The following CR1L variants were observed in gnomAD, a reference collection of about 807,000 sequenced individuals.
CR1L encodes complement component receptor 1-like protein.
In CR1L, 59 loss-of-function variants were observed where a neutral mutation model predicts 62.3. That is an observed-to-expected ratio of 0.95 (90% CI 0.77 to 1.18). The LOEUF is 1.18. Among genes scored for constraint, CR1L ranks in the 50% most tolerant of loss-of-function variants. The pLI is 0.00. For missense variants in CR1L, 700 were observed against 702.8 expected (o/e 1.00, Z 0.04); for synonymous variants, 279 against 248.7 (o/e 1.12, Z -1.15).
At chr1:207,652,808 C>A in intron 1 of CR1L, 1 of 603,088 alleles carries the variant, frequency 1.7e-6, no homozygotes, top group South Asian at 1.9e-5. Context: ...GGTACATATT[C>A]CACTATGGAG....
chr1:207,711,839 C>T (rs1215212478), intron 10 of CR1L, among the ~76,000 whole-genome samples: 6 of 150,470 alleles, frequency 4.0e-5, no homozygotes, highest in African/African-American at 1.5e-4. Context: ...GCGGAGGTTG[C>T]AGTGAGCTAA....
intron 1 of CR1L, among the ~76,000 whole-genome samples, chr1:207,653,983 G>A (rs1331942980): frequency 2.0e-5 from 3 of 152,152 alleles, no homozygotes; most frequent in African/African-American, 7.2e-5. Flanking sequence ...AAGCACAAGG[G>A]AGGGGCTCTC....
At chr1:207,683,124 C>G (rs1663831980) in intron 3 of CR1L, among the ~76,000 whole-genome samples, 1 of 149,912 alleles carries the variant, frequency 6.7e-6, no homozygotes, top group South Asian at 2.1e-4. Context: ...CTGACTCTCT[C>G]TCTCTCTCTA....
intron 4 of CR1L, among the ~76,000 whole-genome samples, chr1:207,689,107 G>C (rs192926302): frequency 6.6e-6 from 1 of 152,074 alleles, no homozygotes; most frequent in African/African-American, 2.4e-5. Flanking sequence ...CATGATGTAT[G>C]CTGTAGATTT....
chr1:207,655,297 T>TC, intron 1 of CR1L: 1 of 623,488 alleles, frequency 1.6e-6, no homozygotes, highest in East Asian at 3.4e-5. Flanking sequence ...CTTTTTTTTT[T>TC]TTTTTTAATT....
chr1:207,684,147 T>A, intron 4 of CR1L, 190 bp downstream of exon 4: 1 of 445,628 alleles, frequency 2.2e-6, no homozygotes, highest in Non-Finnish European at 3.8e-6. Context: ...TATCCTGGGA[T>A]GTGTCTTTTC....
chr1:207,715,888 T>A (rs570173580), intron 10 of CR1L, among the ~76,000 whole-genome samples: 2 of 152,026 alleles, frequency 1.3e-5, no homozygotes, highest in South Asian at 4.2e-4. Flanking sequence ...AGAGATGGAG[T>A]CTTGCCATAT....
chr1:207,677,690 T>C, intron 2 of CR1L, 122 bp downstream of exon 2: 1 of 1,144,888 alleles, frequency 8.7e-7, no homozygotes, highest in Non-Finnish European at 1.2e-6. Context: ...GCAATACATA[T>C]GAGAATTATT....
At chr1:207,654,149 A>G (rs1165565731) in intron 1 of CR1L, among the ~76,000 whole-genome samples, 1 of 152,218 alleles carries the variant, frequency 6.6e-6, no homozygotes, top group Non-Finnish European at 1.5e-5. Flanking sequence ...CTGCTGTTAC[A>G]CTGGCAATTA....
chr1:207,666,122 C>A (rs1243268068), intron 1 of CR1L, among the ~76,000 whole-genome samples: 1 of 152,210 alleles, frequency 6.6e-6, no homozygotes, highest in Non-Finnish European at 1.5e-5. Flanking sequence ...ACTCACCTTT[C>A]TACAGCCTTT....
intron 10 of CR1L, chr1:207,710,625 A>G (rs1664340597): frequency 6.2e-7 from 1 of 1,609,972 alleles, no homozygotes; most frequent in African/African-American, 1.3e-5. Flanking sequence ...CCAAATGTGG[A>G]AAATGGAATA....
intron 10 of CR1L, among the ~76,000 whole-genome samples, chr1:207,712,309 A>G (rs905974212): frequency 3.3e-5 from 5 of 152,252 alleles, no homozygotes; most frequent in African/African-American, 1.2e-4. Context: ...GTAGATGGAG[A>G]ATCCACCAAT....
chr1:207,692,882 A>G (rs1056155753), intron 4 of CR1L, among the ~76,000 whole-genome samples: 5 of 152,178 alleles, frequency 3.3e-5, no homozygotes, highest in African/African-American at 1.2e-4. Context: ...ATACCCGCAT[A>G]TGAGCTCTTT....
intron 1 of CR1L, among the ~76,000 whole-genome samples, chr1:207,671,411 A>C (rs1243617383): frequency 6.6e-6 from 1 of 150,916 alleles, no homozygotes; most frequent in Non-Finnish European, 1.5e-5. Flanking sequence ...GTTTATGGGA[A>C]TATTTATATA....
intron 11 of CR1L, among the ~76,000 whole-genome samples, chr1:207,719,539 G>A (rs1467485738): frequency 1.3e-5 from 2 of 152,056 alleles, no homozygotes; most frequent in African/African-American, 2.4e-5. Flanking sequence ...GGGCAGTATA[G>A]CAAAACTCTG....
In CR1L at chr1:207,697,812, C is replaced by T. The variant is rs1357885808; in HGVS notation, c.1081C>T (p.His361Tyr). ...DDFLGQLPNG[H>Y]VLFPLNLQLG... The stretch of plus-strand genomic sequence containing the variant: ...CTTCCTGGGCCAACTTCCTAATGGC[C>T]ATGTGCTATTTCCACTTAATCTCCA... Residue 361 changes from histidine (H) to tyrosine (Y), a missense_variant, in exon 7 of 12, where the codon CAT becomes TAT. Transcript: ENST00000508064. 5.0e-6 allele frequency: 8 copies of T among 1,613,782 alleles called. No individual in the cohort carries two copies. Among genetic ancestry groups the T allele is most frequent in the Non-Finnish European group, 5.1e-6 (6 of 1,179,894 alleles).
chr1:207,665,325 A>T (rs561546960), intron 1 of CR1L, among the ~76,000 whole-genome samples: 1 of 152,216 alleles, frequency 6.6e-6, no homozygotes, highest in East Asian at 1.9e-4. Flanking sequence ...AAGTGCTGGG[A>T]TTACAGGCGT....
At chr1:207,718,740 T>C (rs1654065534) in intron 11 of CR1L, among the ~76,000 whole-genome samples, 1 of 152,166 alleles carries the variant, frequency 6.6e-6, no homozygotes, top group Non-Finnish European at 1.5e-5. Context: ...TGTTGGCTAA[T>C]TGGACTTAGA....
At chr1:207,702,754 G>A (rs187915403) in intron 9 of CR1L, among the ~76,000 whole-genome samples, 3 of 152,296 alleles carry the variant, frequency 2.0e-5, no homozygotes, top group African/African-American at 7.2e-5. Flanking sequence ...CTTCAATTCT[G>A]TGAAGGCTGA....
Sources: gnomAD v4.1 joint callset for allele counts (sites outside exome capture counted in the v4.1 genomes callset) on GRCh38, gnomAD v4.1.1 for gene constraint, MANE v1.5 for transcripts, NCBI Gene and HGNC (gene_info 2026-07-23, HGNC 2026-07-21) for gene names.